Variants in MMP27 observed in about 807,000 individuals in gnomAD.
MMP27 encodes matrix metalloproteinase-27.
Under a neutral mutation model 48.1 loss-of-function variants are expected in MMP27, and 51 were observed. The ratio of observed to expected loss-of-function variants is 1.06; its 90% confidence interval spans 0.85 to 1.34. The LOEUF (loss-of-function observed/expected upper bound fraction) is 1.34, where lower values mean the gene tolerates loss of function less well. Among genes scored for constraint, MMP27 ranks in the 40% most tolerant of loss-of-function variants. The probability of loss-of-function intolerance (pLI) is 0.00; values close to 1 mark genes in which losing one functional copy is unlikely to be tolerated. For missense variants in MMP27, 698 were observed against 619.3 expected, an observed-to-expected ratio of 1.13 and a Z score of -1.35; for synonymous variants, 229 against 208.9, an observed-to-expected ratio of 1.10 and a Z score of -0.83.
At chr11:102,698,383 A>G (rs1406407892) in intron 4 of MMP27, among the ~76,000 whole-genome samples, 1 of 152,170 alleles carries the variant, frequency 6.6e-6, no homozygotes, top group Non-Finnish European at 1.5e-5. Flanking sequence ...TAAATGGCAC[A>G]TAACTTTAAT....
intron 4 of MMP27, among the ~76,000 whole-genome samples, chr11:102,702,077 T>G (rs931366599): frequency 2.6e-5 from 4 of 152,218 alleles, no homozygotes; most frequent in African/African-American, 9.7e-5. Flanking sequence ...GTTAATATAG[T>G]ACAGTTTGAT....
chr11:102,694,123 A>G, intron 7 of MMP27, 58 bp from the exon 8 acceptor site: 3 of 1,339,630 alleles, frequency 2.2e-6, no homozygotes, highest in Non-Finnish European at 3.0e-6. Flanking sequence ...ATCTCAAGAA[A>G]TTTAAAAATC....
intron 8 of MMP27, among the ~76,000 whole-genome samples, chr11:102,693,601 G>A (rs972195245): frequency 1.3e-5 from 2 of 151,934 alleles, no homozygotes; most frequent in Non-Finnish European, 2.9e-5. Context: ...TGAGAATCAT[G>A]GTGAAACTCC....
chr11:102,700,186 A>G (rs1860912988), intron 4 of MMP27, among the ~76,000 whole-genome samples: 2 of 152,180 alleles, frequency 1.3e-5, no homozygotes, highest in South Asian at 4.1e-4. Flanking sequence ...TCAATAAATG[A>G]TCATTGAGTG....
rs375445638 is a variant in MMP27 at position 102,693,003 on chromosome 11, G to A, written c.1232C>T (p.Pro411Leu). The change falls in exon 9 of 10, where the codon CCG becomes CTG. Residue 411 changes from proline (P) to leucine (L), a missense_variant. Physicochemically the swap from Pro to Leu is moderately conservative, Grantham distance 98. Coordinates refer to ENST00000260229, the MANE Select transcript of MMP27 (RefSeq NM_022122.3). ...AGGAAAGTGTTTTACCACTCTCTGC[G>A]GGAACCCTTTGTCCATGGTTTGGGT... Reference protein sequence around the residue: ...EMTQTMDKGFPQRVVKHFPGI... With the variant: ...EMTQTMDKGFLQRVVKHFPGI... The A allele has an allele frequency of 8.7e-6, 14 of 1,613,600 alleles. No individual in the cohort carries two copies. The highest frequency in any genetic ancestry group is 2.2e-5 in the South Asian group (2 of 91,074).
chr11:102,702,934 G>C, intron 3 of MMP27, 36 bp downstream of exon 3: 2 of 1,612,016 alleles, frequency 1.2e-6, no homozygotes, highest in Non-Finnish European at 1.7e-6. Flanking sequence ...AATCTCCTGA[G>C]ATAAAAATAG....
At chr11:102,695,680 G>A (rs911401510) in intron 6 of MMP27, among the ~76,000 whole-genome samples, 8 of 152,166 alleles carry the variant, frequency 5.3e-5, no homozygotes, top group Admixed American at 2.0e-4. Flanking sequence ...ATATTCATGG[G>A]TGAAAGGAGT....
In MMP27 at chr11:102,705,492, T is replaced by C. The variant is rs1861029906; in HGVS notation, c.102+121A>G. On this transcript the variant is annotated intron_variant, in intron 1 of 9. Transcript: ENST00000260229. The stretch of plus-strand genomic sequence containing the variant: ...CAGAGATAGACAAATGAAAAGCAGT[T>C]CCTTCTCACAAAAAAGTTCAGGACT... 5.0e-6 allele frequency: 3 copies of C among 597,020 alleles called. No individual in the cohort carries two copies. The Admixed American group carries it at 1.1e-4, about 23-fold the overall frequency. The allele number at this position is 597,020 out of a possible 1,614,324, so 37.0% of individuals were successfully genotyped here. A position where few individuals can be genotyped will look rare whatever the true frequency, so the allele number is the denominator to read the frequency against.
At chr11:102,695,990 A>G (rs1860818872) in intron 6 of MMP27, among the ~76,000 whole-genome samples, 1 of 152,130 alleles carries the variant, frequency 6.6e-6, no homozygotes, top group Admixed American at 6.5e-5. Context: ...ACCATGGCCA[A>G]TTTCAAGCTG....
intron 9 of MMP27, among the ~76,000 whole-genome samples, chr11:102,692,484 G>T (rs1860743427): frequency 6.6e-6 from 1 of 152,200 alleles, no homozygotes; most frequent in East Asian, 1.9e-4. Flanking sequence ...TGTCTTGGAT[G>T]ATATAGTTGC....
chr11:102,700,454 G>A (rs1190411326), intron 4 of MMP27, among the ~76,000 whole-genome samples: 1 of 152,178 alleles, frequency 6.6e-6, no homozygotes, highest in Non-Finnish European at 1.5e-5. Flanking sequence ...CTTTCTGAGT[G>A]TTCACTATGG....
chr11:102,698,575 A>G (rs1403926229), intron 4 of MMP27, among the ~76,000 whole-genome samples: 4 of 152,288 alleles, frequency 2.6e-5, no homozygotes, highest in South Asian at 2.1e-4. Context: ...GTATTGCTAT[A>G]GGATAAAGTC....
intron 2 of MMP27, among the ~76,000 whole-genome samples, chr11:102,704,103 C>G (rs1397396621): frequency 6.6e-6 from 1 of 152,180 alleles, no homozygotes; most frequent in African/African-American, 2.4e-5. Context: ...AGGGGCTCAT[C>G]TGAGATTTGG....
intron 2 of MMP27, 61 bp downstream of exon 2, chr11:102,704,476 C>A (rs1045619031): frequency 2.5e-5 from 32 of 1,275,860 alleles, no homozygotes; most frequent in Non-Finnish European, 3.4e-5. Flanking sequence ...TTATTCTGTT[C>A]CTTGGAAATT....
intron 2 of MMP27, among the ~76,000 whole-genome samples, chr11:102,704,255 G>T (rs1459867463): frequency 6.6e-6 from 1 of 152,196 alleles, no homozygotes; most frequent in East Asian, 1.9e-4. Flanking sequence ...CTTATATGAT[G>T]GTGGCAGAGG....
intron 7 of MMP27, 81 bp downstream of exon 7, chr11:102,694,886 A>C (rs1236979232): frequency 6.5e-7 from 1 of 1,549,916 alleles, no homozygotes; most frequent in African/African-American, 1.4e-5. Context: ...ATGCATGAAG[A>C]TTTTATTTCT....
chr11:102,704,656 C>T lies in MMP27; in HGVS notation c.222G>A (p.Val74=), dbSNP rs1861011626. The change falls in exon 2 of 10, where the codon GTG becomes GTA. Residue 74 remains valine (V), a synonymous_variant. Coordinates refer to ENST00000260229, the MANE Select transcript of MMP27 (RefSeq NM_022122.3). ...GGGTGTTTGAGTCCAGTTTTCCAGT[C>T]ACTGTCAATCCAAAAAATGCTTGCA... The part of the protein sequence containing the change: ...REMQAFFGLT[V]TGKLDSNTLE... 1.2e-6 allele frequency: 2 copies of T among 1,614,110 alleles called. No homozygotes were observed. Among genetic ancestry groups the T allele is most frequent in the Non-Finnish European group, 8.5e-7 (1 of 1,180,004 alleles).
chr11:102,696,427 G>T lies in MMP27; in HGVS notation c.846C>A (p.Asp282Glu), dbSNP rs758206153. The T allele has an allele frequency of 6.2e-7, 1 of 1,613,744 alleles. No individual in the cohort carries two copies. Among genetic ancestry groups the T allele is most frequent in the Non-Finnish European group, 8.5e-7 (1 of 1,179,868 alleles). The change falls in exon 6 of 10, where the codon GAC becomes GAA. Residue 282 changes from aspartate to glutamate, a missense_variant. Asp to Glu is a conservative substitution (Grantham distance 45, BLOSUM62 2). Transcript: ENST00000260229. ...AAGTTGTGATAGCGTCAAAAGTCAA[G>T]TCAGGGTCACAGGCATGGGGTATAG... ...EPTIPHACDP[D>E]LTFDAITTFR... is the part of the protein sequence containing the mutation.
At chr11:102,705,578 T>G (rs1249709935) in intron 1 of MMP27, 35 bp downstream of exon 1, 2 of 1,301,374 alleles carry the variant, frequency 1.5e-6, no homozygotes, top group Non-Finnish European at 2.1e-6. Context: ...AAGCTTTTTA[T>G]CAATAGTCAT....
Sources: gnomAD v4.1 joint callset for allele counts (sites outside exome capture counted in the v4.1 genomes callset) on GRCh38, gnomAD v4.1.1 for gene constraint, MANE v1.5 for transcripts, NCBI Gene and HGNC (gene_info 2026-07-23, HGNC 2026-07-21) for gene names.